The following DHX8 variants were observed in gnomAD, a reference collection of about 807,000 sequenced individuals.
The protein encoded by DHX8 is DEAH-box helicase 8, also known as ATP-dependent RNA helicase DHX8.
A neutral mutation model predicts 140.7 loss-of-function variants in DHX8; 67 were observed. That is an observed-to-expected ratio of 0.48 (90% CI 0.39 to 0.58). The LOEUF (loss-of-function observed/expected upper bound fraction) is 0.58, where lower values mean the gene tolerates loss of function less well. DHX8 is among the 20% of genes least tolerant of loss of function. DHX8 has a pLI of 0.00. For missense variants in DHX8, 887 were observed against 1,550.7 expected (o/e 0.57, Z 7.19); for synonymous variants, 533 against 553.2 (o/e 0.96, Z 0.51).
intron 3 of DHX8, among the ~76,000 whole-genome samples, chr17:43,538,543 G>C (rs1324068654): frequency 6.6e-6 from 1 of 152,176 alleles, no homozygotes; most frequent in Non-Finnish European, 1.5e-5. Flanking sequence ...TACAGCAGCA[G>C]CTCATCCATG....
rs1971240906 is a variant in DHX8 at position 43,536,310 on chromosome 17, C to A, written c.351-102C>A. ...CAGTTATTGCCTTGGTCTTTAAGAT[C>A]AAACCCCACTGTGTTTTAGGAGAGA... On this transcript the variant is annotated intron_variant, in intron 2 of 3. Transcript: ENST00000589898. The A allele has an allele frequency of 3.3e-6, 3 of 916,914 alleles. No homozygotes were observed. The Admixed American group carries it at 6.3e-5, about 19-fold the overall frequency. The allele number at this position is 916,914 out of a possible 1,614,324, so 56.8% of individuals were successfully genotyped here.
In DHX8 at chr17:43,489,014, T is replaced by G. The variant is rs188039258; in HGVS notation, c.149-435T>G. ...TTGTTTTCTTGTTTTGTTTTTTTTG[T>G]TTTTTTTTGAGACGGAGTCTCACTC... On this transcript the variant is annotated intron_variant, in intron 1 of 22. Transcript: ENST00000262415. 3.3e-3 allele frequency among the ~76,000 whole-genome samples: 502 copies of G among 151,220 alleles called. 1 individual carries two copies. The highest frequency in any genetic ancestry group is 0.01 in the Middle Eastern group (3 of 294).
intron 1 of DHX8, among the ~76,000 whole-genome samples, chr17:43,487,492 T>C (rs944785420): frequency 2.0e-5 from 3 of 152,202 alleles, no homozygotes; most frequent in Non-Finnish European, 4.4e-5. Context: ...TAGCTAGGAC[T>C]ACAGATGCAT....
At chr17:43,494,583 T>C (rs1314881518) in intron 8 of DHX8, among the ~76,000 whole-genome samples, 2 of 151,142 alleles carry the variant, frequency 1.3e-5, no homozygotes, top group African/African-American at 4.9e-5. Flanking sequence ...TAGCCGGGCG[T>C]CATGGTGCGC....
At chr17:43,491,660 C>CAGTG (rs1968525507) in intron 4 of DHX8, among the ~76,000 whole-genome samples, 1 of 152,012 alleles carries the variant, frequency 6.6e-6, no homozygotes, top group East Asian at 1.9e-4. Flanking sequence ...TGGATAACAG[C>CAGTG]AGTGAACAGA....
In DHX8 at chr17:43,507,609, C is replaced by G. The variant is rs1468907182; in HGVS notation, c.2030C>G (p.Thr677Ser). The G allele has an allele frequency of 1.9e-6, 3 of 1,614,162 alleles. No individual in the cohort carries two copies. Among genetic ancestry groups the G allele is most frequent in the South Asian group, 2.2e-5 (2 of 91,084 alleles). ...LRECLIDPDL[T>S]QYAIIMLDEA... The stretch of plus-strand genomic sequence containing the variant: ...GAGTGCTTGATTGACCCTGACCTCA[C>G]TCAGTACGCGATCATCATGTTGGAC... Residue 677 changes from threonine (T) to serine (S), a missense_variant, in exon 14 of 23, where the codon ACT becomes AGT. Coordinates refer to ENST00000262415, the MANE Select transcript of DHX8 (RefSeq NM_004941.3).
intron 16 of DHX8, among the ~76,000 whole-genome samples, chr17:43,512,705 G>C (rs542506001): frequency 3.3e-5 from 5 of 152,134 alleles, no homozygotes; most frequent in African/African-American, 9.7e-5. Context: ...GTGATATTCC[G>C]GTGCCCCCAG....
chr17:43,492,313 C>A (rs1968569894), intron 5 of DHX8, 21 bp downstream of exon 5: 1 of 1,596,606 alleles, frequency 6.3e-7, no homozygotes, highest in Non-Finnish European at 8.6e-7. Context: ...AGTGTCCTGT[C>A]CTTTGGAAGT....
intron 8 of DHX8, among the ~76,000 whole-genome samples, chr17:43,494,196 C>T (rs1436925788): frequency 6.6e-6 from 1 of 152,264 alleles, no homozygotes; most frequent in South Asian, 2.1e-4. Context: ...TCTCATGAGA[C>T]TTACTCACTA....
At chr17:43,528,761 G>A, downstream of DHX8, 2 of 1,609,264 alleles carry the variant, frequency 1.2e-6, no homozygotes, top group Non-Finnish European at 8.5e-7. Context: ...GAGAGAGAAG[G>A]TCTGGTCAGC....
chr17:43,505,977 C>G (rs1021944944), intron 12 of DHX8, among the ~76,000 whole-genome samples: 2 of 151,948 alleles, frequency 1.3e-5, no homozygotes, highest in South Asian at 4.2e-4. Context: ...TCTTTTTCCA[C>G]TTAATGATAT....
intron 17 of DHX8, 148 bp from the exon 18 acceptor site, chr17:43,517,019 A>C: frequency 1.3e-6 from 1 of 780,892 alleles, no homozygotes; most frequent in Non-Finnish European, 1.9e-6. Context: ...GAGCATTGGT[A>C]GTCTTGGAAA....
At chr17:43,484,585 G>T (rs969054234) in intron 1 of DHX8, among the ~76,000 whole-genome samples, 3 of 152,116 alleles carry the variant, frequency 2.0e-5, no homozygotes, top group Non-Finnish European at 2.9e-5. Flanking sequence ...TGGTCTTCAC[G>T]CCACTCTGTG....
In DHX8 at chr17:43,524,827, A is replaced by G; in HGVS notation, c.*980A>G. 2.0e-6 allele frequency: 2 copies of G among 985,380 alleles called. No homozygotes were observed. The highest frequency in any genetic ancestry group is 2.4e-6 in the Non-Finnish European group (2 of 829,936). 61.0% of individuals were successfully genotyped at this position (985,380 alleles called of 1,614,324 possible). A position where few individuals can be genotyped will look rare whatever the true frequency, so the allele number is the denominator to read the frequency against. On this transcript the variant is annotated 3_prime_UTR_variant, in exon 23 of 23. Transcript: ENST00000262415. ...CCACTCCAAACAGAAAACAAACATA[A>G]CACCTCTCCTCTCAGCTGGTTTGTG...
intron 11 of DHX8, among the ~76,000 whole-genome samples, chr17:43,501,268 G>A (rs903935981): frequency 6.6e-6 from 1 of 152,150 alleles, no homozygotes; most frequent in Non-Finnish European, 1.5e-5. Flanking sequence ...TGGGATGGAG[G>A]TTGGGGAGTA....
intron 2 of DHX8, among the ~76,000 whole-genome samples, chr17:43,490,046 CAG>C (rs1341621222): frequency 6.6e-6 from 1 of 151,966 alleles, no homozygotes; most frequent in Non-Finnish European, 1.5e-5. Context: ...TCTAGGAAAA[CAG>C]GGCAGGATTT....
At chr17:43,530,516 G>A (rs1215295098), downstream of DHX8, 4 of 1,063,836 alleles carry the variant, frequency 3.8e-6, no homozygotes, top group African/African-American at 3.2e-5. Context: ...ATGAACGTCC[G>A]GGGAAAGAGT....
intron 1 of DHX8, among the ~76,000 whole-genome samples, chr17:43,487,634 G>A (rs1389505791): frequency 1.3e-5 from 2 of 152,162 alleles, no homozygotes; most frequent in African/African-American, 2.4e-5. Context: ...CATTACAGGC[G>A]TGAGCCACTG....
At chr17:43,541,180 C>A (rs540894149) in intron 3 of DHX8, among the ~76,000 whole-genome samples, 34 of 152,332 alleles carry the variant, frequency 2.2e-4, no homozygotes, top group African/African-American at 8.2e-4. Context: ...GCCCCTCCCC[C>A]AAACACTGGC....
Sources: allele counts gnomAD v4.1 joint callset (sites outside exome capture counted in the v4.1 genomes callset), GRCh38; gene constraint gnomAD v4.1.1; transcripts MANE v1.5; gene names NCBI Gene and HGNC (gene_info 2026-07-23, HGNC 2026-07-21).